SGCZ: variants seen among roughly 807,000 people sequenced by gnomAD.
SGCZ encodes the protein zeta-sarcoglycan.
Under a neutral mutation model 41.3 loss-of-function variants are expected in SGCZ, and 40 were observed. The observed-to-expected ratio is 0.97, with a 90% CI of 0.75 to 1.26. SGCZ has a LOEUF of 1.26. SGCZ is among the 50% of genes most tolerant of loss of function. The pLI is 0.00. For missense variants in SGCZ, 552 were observed against 369.8 expected (o/e 1.49, Z -4.04); for synonymous variants, 206 against 137.5 (o/e 1.50, Z -3.49).
chr8:15,087,038 G>C (rs1362225369), intron 1 of SGCZ, among the ~76,000 whole-genome samples: 1 of 152,092 alleles, frequency 6.6e-6, no homozygotes, highest in East Asian at 1.9e-4. Context: ...ATGAGATTTA[G>C]CTCACATTTG....
At chr8:14,821,440 A>T (rs575814477) in intron 1 of SGCZ, among the ~76,000 whole-genome samples, 1 of 152,194 alleles carries the variant, frequency 6.6e-6, no homozygotes, top group Admixed American at 6.5e-5. Context: ...AAAACTAAAG[A>T]TGAGGGAAAA....
At chr8:14,936,394 T>C (rs1273806163) in intron 1 of SGCZ, among the ~76,000 whole-genome samples, 1 of 151,960 alleles carries the variant, frequency 6.6e-6, no homozygotes, top group East Asian at 1.9e-4. Flanking sequence ...CAAAATCATG[T>C]AATACAAAGC....
intron 2 of SGCZ, among the ~76,000 whole-genome samples, chr8:14,485,670 TCACTGTAA>T (rs1219627966): frequency 5.3e-5 from 8 of 152,296 alleles, no homozygotes; most frequent in Non-Finnish European, 7.3e-5. Context: ...AGAAGGGTTC[TCACTGTAA>T]CAGAAGCTTA....
At chr8:14,092,237 G>C (rs1461589674) in intron 7 of SGCZ, among the ~76,000 whole-genome samples, 1 of 152,024 alleles carries the variant, frequency 6.6e-6, no homozygotes, top group Non-Finnish European at 1.5e-5. Context: ...ATTATAGTTT[G>C]AAATCAGGTA....
chr8:14,263,330 C>T (rs1223971609), intron 3 of SGCZ, among the ~76,000 whole-genome samples: 1 of 152,112 alleles, frequency 6.6e-6, no homozygotes, highest in African/African-American at 2.4e-5. Flanking sequence ...AGGCGGATCA[C>T]TTGAGGCCAG....
intron 2 of SGCZ, among the ~76,000 whole-genome samples, chr8:14,445,284 T>C (rs1800399027): frequency 6.6e-6 from 1 of 152,212 alleles, no homozygotes; most frequent in South Asian, 2.1e-4. Context: ...GCCTTCTCTC[T>C]CCCAGTTGGT....
chr8:15,126,118 C>G (rs1317841825), intron 1 of SGCZ, among the ~76,000 whole-genome samples: 1 of 152,152 alleles, frequency 6.6e-6, no homozygotes, highest in Non-Finnish European at 1.5e-5. Flanking sequence ...CGCATTCCAG[C>G]CTGGGCAACA....
chr8:14,518,940 A>C (rs75241959), intron 2 of SGCZ, among the ~76,000 whole-genome samples: 3,694 of 150,976 alleles, frequency 0.024, 151 homozygotes, highest in Admixed American at 0.088. Flanking sequence ...GTGGTAGCAC[A>C]TGCCTGCGGT....
At chr8:15,023,871 T>TAA (rs1803349587) in intron 1 of SGCZ, among the ~76,000 whole-genome samples, 1 of 152,208 alleles carries the variant, frequency 6.6e-6, no homozygotes, top group African/African-American at 2.4e-5. Context: ...TGACTTCTTC[T>TAA]GTTTATTCTG....
intron 1 of SGCZ, among the ~76,000 whole-genome samples, chr8:14,626,800 T>A (rs1481343600): frequency 6.6e-6 from 1 of 152,170 alleles, no homozygotes; most frequent in East Asian, 1.9e-4. Flanking sequence ...ATATCTTGAA[T>A]TTACATTTCT....
At chr8:14,923,804 G>A (rs1799663439) in intron 1 of SGCZ, among the ~76,000 whole-genome samples, 1 of 152,150 alleles carries the variant, frequency 6.6e-6, no homozygotes, top group Admixed American at 6.5e-5. Context: ...TACAGCTGGT[G>A]ATTCTGCTAC....
At chr8:14,458,019 C>T (rs949056834) in intron 2 of SGCZ, among the ~76,000 whole-genome samples, 1 of 152,068 alleles carries the variant, frequency 6.6e-6, no homozygotes, top group African/African-American at 2.4e-5. Context: ...CCTACAGGGG[C>T]CTGTAGAACC....
At chr8:15,001,247 T>A (rs1398737328) in intron 1 of SGCZ, among the ~76,000 whole-genome samples, 1 of 152,174 alleles carries the variant, frequency 6.6e-6, no homozygotes, top group Non-Finnish European at 1.5e-5. Context: ...TATCGTCACA[T>A]TTCTGAGATA....
At chr8:14,696,179 G>A (rs544963565) in intron 1 of SGCZ, among the ~76,000 whole-genome samples, 13 of 151,996 alleles carry the variant, frequency 8.6e-5, no homozygotes, top group South Asian at 4.2e-4. Context: ...ATTATATCAC[G>A]TTCTCAAAAG....
At chr8:14,816,976 C>T (rs1454519178) in intron 1 of SGCZ, among the ~76,000 whole-genome samples, 1 of 152,064 alleles carries the variant, frequency 6.6e-6, no homozygotes, top group African/African-American at 2.4e-5. Flanking sequence ...CAATTGATAC[C>T]AGAGTTTCAT....
At chr8:14,295,662 C>T (rs1800984186) in intron 3 of SGCZ, among the ~76,000 whole-genome samples, 1 of 152,018 alleles carries the variant, frequency 6.6e-6, no homozygotes, top group Admixed American at 6.6e-5. Context: ...ATAAATGTGA[C>T]ATATTAAAAA....
At chr8:14,499,970 T>C (rs1455940110) in intron 2 of SGCZ, among the ~76,000 whole-genome samples, 4 of 152,020 alleles carry the variant, frequency 2.6e-5, no homozygotes, top group Non-Finnish European at 5.9e-5. Context: ...ACCTACTGTC[T>C]TACAAAAAAA....
chr8:14,671,651 C>T lies in SGCZ; in HGVS notation c.40-116725G>A, dbSNP rs74873616. Among the ~76,000 whole-genome samples, 3 of 152,032 alleles carry T rather than the reference C, an allele frequency of 2.0e-5. No homozygotes were observed. The East Asian group carries it at 5.8e-4, about 29-fold the overall frequency. On this transcript the variant is annotated intron_variant, in intron 1 of 7. Transcript: ENST00000382080. ...AGAAAAGAAAACCCAGAAACTAAGCCTGAGACATTTATATTCTTAACATTC... is the reference window on the plus strand; with the variant it reads ...AGAAAAGAAAACCCAGAAACTAAGCTTGAGACATTTATATTCTTAACATTC...
chr8:14,367,167 T>C (rs1803738868), intron 2 of SGCZ, among the ~76,000 whole-genome samples: 1 of 152,140 alleles, frequency 6.6e-6, no homozygotes, highest in South Asian at 2.1e-4. Flanking sequence ...AGGGGCCAAA[T>C]GCTGCTAGTC....
Sources: allele counts gnomAD v4.1 joint callset (sites outside exome capture counted in the v4.1 genomes callset), GRCh38; gene constraint gnomAD v4.1.1; transcripts MANE v1.5; gene names NCBI Gene and HGNC (gene_info 2026-07-23, HGNC 2026-07-21).